Variants in PAICS observed in about 807,000 individuals in gnomAD.
The protein encoded by PAICS is phosphoribosylaminoimidazole carboxylase and phosphoribosylaminoimidazolesuccinocarboxamide synthase.
A neutral mutation model predicts 53.7 loss-of-function variants in PAICS; 33 were observed. That is an observed-to-expected ratio of 0.61 (90% CI 0.47 to 0.82). PAICS has a LOEUF of 0.82. Among genes scored for constraint, PAICS ranks in the 40% least tolerant of loss-of-function variants. The probability of loss-of-function intolerance (pLI) is 0.00; values close to 1 mark genes in which losing one functional copy is unlikely to be tolerated. For missense variants in PAICS, 394 were observed against 494.1 expected, an observed-to-expected ratio of 0.80 and a Z score of 1.92; for synonymous variants, 141 against 167.2, an observed-to-expected ratio of 0.84 and a Z score of 1.21.
At chr4:56,448,618 G>A (rs1315761457) in intron 4 of PAICS, 21 bp downstream of exon 4, 2 of 1,562,030 alleles carry the variant, frequency 1.3e-6, no homozygotes, top group Admixed American at 1.8e-5. Context: ...AACAAGTACA[G>A]ATAAAACAAC....
At chr4:56,420,148 A>C in the PAICS span, 1 of 271,888 alleles carries the variant, frequency 3.7e-6, no homozygotes, top group Non-Finnish European at 5.6e-6. Flanking sequence ...TTTCAGATTT[A>C]GATACTTTTT....
chr4:56,415,929 G>C, the PAICS span, among the ~76,000 whole-genome samples: 1 of 152,086 alleles, frequency 6.6e-6, no homozygotes, highest in Admixed American at 6.5e-5. Flanking sequence ...AATTAGCCGG[G>C]CGTGGTGGCA....
At chr4:56,432,024 A>T (rs1242855088), upstream of PAICS, among the ~76,000 whole-genome samples, 1 of 152,200 alleles carries the variant, frequency 6.6e-6, no homozygotes, top group African/African-American at 2.4e-5. Context: ...GTACATCTGG[A>T]TGAACCCATC....
Position 56,464,458 on chromosome 4 carries a change from T to A in PAICS, c.*4920T>A, listed in dbSNP as rs1231988252. The A allele has an allele frequency of 6.6e-6, 1 of 152,176 alleles. No homozygotes were observed. Among genetic ancestry groups the A allele is most frequent in the African/African-American group, 2.4e-5 (1 of 41,446 alleles). 9.4% of individuals were successfully genotyped at this position (152,176 alleles called of 1,614,324 possible). On this transcript the variant is annotated 3_prime_UTR_variant, in exon 9 of 9. Transcript: ENST00000512576. ...AATGAAAAAGACTAATTCTCCACAG[T>A]CTATACTCAATCTCTCTTACCTTTC...
chr4:56,442,821 G>A (rs1345589538), intron 2 of PAICS, among the ~76,000 whole-genome samples: 2 of 152,140 alleles, frequency 1.3e-5, no homozygotes, highest in Non-Finnish European at 1.5e-5. Flanking sequence ...TAAGTTAGAT[G>A]TACGTGCCTT....
chr4:56,448,248 G>A (rs567734314), intron 3 of PAICS, among the ~76,000 whole-genome samples, 170 bp from the exon 4 acceptor site: 2 of 151,974 alleles, frequency 1.3e-5, no homozygotes, highest in East Asian at 1.9e-4. Flanking sequence ...CTTGTGATCC[G>A]CCCACCTCAG....
the PAICS span, among the ~76,000 whole-genome samples, chr4:56,424,323 G>C: frequency 6.6e-3 from 1,002 of 152,256 alleles, 7 homozygotes; most frequent in South Asian, 0.017. Flanking sequence ...CTAGCAGGTT[G>C]GAGTCAGTTC....
intron 8 of PAICS, among the ~76,000 whole-genome samples, chr4:56,456,330 G>A (rs1719202519): frequency 6.6e-6 from 1 of 152,212 alleles, no homozygotes; most frequent in Non-Finnish European, 1.5e-5. Flanking sequence ...GACCTCAGGT[G>A]ATCTGCCTGC....
chr4:56,412,141 A>G, the PAICS span, among the ~76,000 whole-genome samples: 26 of 152,234 alleles, frequency 1.7e-4, no homozygotes, highest in East Asian at 1.5e-3. Context: ...TGTGGGTGCC[A>G]ATATCTCAAC....
chr4:56,441,864 A>G lies in PAICS; in HGVS notation c.214+4A>G, dbSNP rs948017506. On this transcript the variant is annotated splice_donor_region_variant and intron_variant, in intron 2 of 8. Coordinates refer to ENST00000512576, the MANE Select transcript of PAICS (RefSeq NM_001079524.2). ...TTTCAGTTATTACAGGAAGCAGGTA[A>G]GCAGCTCCCTCAAAGTCTCTTCTCT... 5.1e-6 allele frequency: 8 copies of G among 1,582,100 alleles called. No homozygotes were observed. Among genetic ancestry groups the G allele is most frequent in the Non-Finnish European group, 6.9e-6 (8 of 1,161,986 alleles).
rs775711628 is a variant in PAICS at position 56,441,750 on chromosome 4, C to T, written c.104C>T (p.Ser35Phe). 5.5e-5 allele frequency: 89 copies of T among 1,604,818 alleles called. No individual in the cohort carries two copies. In the Middle Eastern group the frequency reaches 1.6e-3, roughly 30 times the overall value. ...LDSPGKVLLQSKDQITAGNAA... is the reference protein window; with the variant it reads ...LDSPGKVLLQFKDQITAGNAA... ...AGTCCAGGAAAAGTCCTCCTGCAGT[C>T]CAAGGACCAGATTACAGCAGGAAAT... is the stretch of plus-strand genomic sequence containing the variant. The change falls in exon 2 of 9, where the codon TCC becomes TTC. Residue 35 changes from serine (S) to phenylalanine (F), a missense_variant. Physicochemically the swap from Ser to Phe is radical, Grantham distance 155 (BLOSUM62 -2). Coordinates refer to ENST00000512576, the MANE Select transcript of PAICS (RefSeq NM_001079524.2).
In PAICS at chr4:56,455,042, C is replaced by T. The variant is rs560535379; in HGVS notation, c.1111+1281C>T. ...GCATGGTGGTGAGCATCTGTAATCC[C>T]AGCTACTCAGAGGCTGAGGTAGGAG... On this transcript the variant is annotated intron_variant, in intron 8 of 8. Transcript: ENST00000512576. Among the ~76,000 whole-genome samples, 8 of 152,194 alleles carry T rather than the reference C, an allele frequency of 5.3e-5. No homozygotes were observed. In the East Asian group the frequency reaches 1.4e-3, roughly 26 times the overall value.
At chr4:56,424,349 T>C in the PAICS span, among the ~76,000 whole-genome samples, 1 of 152,190 alleles carries the variant, frequency 6.6e-6, no homozygotes, top group African/African-American at 2.4e-5. Context: ...CCCGTATTTT[T>C]AGACGGTTCT....
At chr4:56,432,923 C>T (rs1324167531), upstream of PAICS, among the ~76,000 whole-genome samples, 7 of 150,932 alleles carry the variant, frequency 4.6e-5, no homozygotes, top group Non-Finnish European at 1.0e-4. Flanking sequence ...AAAGTGAAAA[C>T]AGAGCTTTCT....
intron 2 of PAICS, among the ~76,000 whole-genome samples, chr4:56,444,529 T>C (rs1270180569): frequency 1.3e-5 from 2 of 152,192 alleles, no homozygotes; most frequent in Non-Finnish European, 2.9e-5. Context: ...CTAGCTAATA[T>C]ATGTTCATTG....
At chr4:56,417,983 G>A in the PAICS span, among the ~76,000 whole-genome samples, 1 of 151,776 alleles carries the variant, frequency 6.6e-6, no homozygotes, top group Non-Finnish European at 1.5e-5. Flanking sequence ...GGGATTACAG[G>A]TGTGCACCAC....
chr4:56,426,140 C>T, the PAICS span, among the ~76,000 whole-genome samples: 51,642 of 152,052 alleles, frequency 0.34, 9,380 homozygotes, highest in Non-Finnish European at 0.41. Context: ...CGGTGGCTAA[C>T]GCCTGTAATC....
At chr4:56,449,185 C>G (rs1321536440) in intron 5 of PAICS, among the ~76,000 whole-genome samples, 1 of 152,150 alleles carries the variant, frequency 6.6e-6, no homozygotes, top group East Asian at 1.9e-4. Flanking sequence ...CTGCATGTTA[C>G]CAGGCCACAT....
At chr4:56,416,140 A>G in the PAICS span, among the ~76,000 whole-genome samples, 7 of 152,180 alleles carry the variant, frequency 4.6e-5, no homozygotes, top group African/African-American at 7.2e-5. Flanking sequence ...AAAATTATCA[A>G]ACAATTCTAG....
Sources: gnomAD v4.1 joint callset for allele counts (sites outside exome capture counted in the v4.1 genomes callset) on GRCh38, gnomAD v4.1.1 for gene constraint, MANE v1.5 for transcripts, NCBI Gene and HGNC (gene_info 2026-07-23, HGNC 2026-07-21) for gene names.